The following DENND1B variants were observed in gnomAD, a reference collection of about 807,000 sequenced individuals.
DENND1B encodes the protein DENN domain-containing protein 1B.
A neutral mutation model predicts 90.1 loss-of-function variants in DENND1B; 59 were observed. The observed-to-expected ratio is 0.65, with a 90% CI of 0.53 to 0.81. The LOEUF (loss-of-function observed/expected upper bound fraction) is 0.81, where lower values mean the gene tolerates loss of function less well. DENND1B is among the 40% of genes least tolerant of loss of function. The pLI is 0.00. For missense variants in DENND1B, 862 were observed against 912.6 expected, an observed-to-expected ratio of 0.94 and a Z score of 0.71; for synonymous variants, 337 against 324.6, an observed-to-expected ratio of 1.04 and a Z score of -0.41.
At chr1:197,766,315 TC>T (rs1655691242) in intron 2 of DENND1B, among the ~76,000 whole-genome samples, 1 of 152,204 alleles carries the variant, frequency 6.6e-6, no homozygotes, top group Non-Finnish European at 1.5e-5. Flanking sequence ...ATTGAGAGAC[TC>T]AGAGTTCTTA....
intron 20 of DENND1B, among the ~76,000 whole-genome samples, chr1:197,528,838 T>C (rs1420763711): frequency 5.5e-5 from 8 of 146,452 alleles, no homozygotes; most frequent in Admixed American, 4.2e-4. Context: ...CCAGCCTGGG[T>C]GACAGAGCGA....
chr1:197,633,467 CA>C (rs1208623680), intron 10 of DENND1B, among the ~76,000 whole-genome samples: 2 of 152,076 alleles, frequency 1.3e-5, no homozygotes. Context: ...AGGGACAATG[CA>C]AAAAGAGAGA....
intron 2 of DENND1B, among the ~76,000 whole-genome samples, chr1:197,740,469 G>A (rs1377644630): frequency 6.6e-6 from 1 of 152,122 alleles, no homozygotes; most frequent in Non-Finnish European, 1.5e-5. Flanking sequence ...GGAAGACTGA[G>A]TCTCAGAAAG....
At chr1:197,760,020 T>C (rs1654823983) in intron 2 of DENND1B, among the ~76,000 whole-genome samples, 1 of 152,164 alleles carries the variant, frequency 6.6e-6, no homozygotes, top group African/African-American at 2.4e-5. Flanking sequence ...ATATGTTTAG[T>C]CTGTCATATA....
At chr1:197,675,936 C>T (rs1273267282) in intron 3 of DENND1B, among the ~76,000 whole-genome samples, 1 of 151,886 alleles carries the variant, frequency 6.6e-6, no homozygotes, top group African/African-American at 2.4e-5. Flanking sequence ...CCACAAGCAA[C>T]ACACGTGCAT....
intron 3 of DENND1B, 48 bp downstream of exon 3, chr1:197,714,976 GCAACAAT>G: frequency 7.7e-7 from 1 of 1,303,996 alleles, no homozygotes; most frequent in Non-Finnish European, 1.1e-6. Context: ...AGTAATAGTA[GCAACAAT>G]CATAATACTT....
intron 20 of DENND1B, among the ~76,000 whole-genome samples, chr1:197,527,662 TAC>T (rs1469763176): frequency 1.3e-5 from 2 of 152,178 alleles, no homozygotes; most frequent in African/African-American, 2.4e-5. Flanking sequence ...TGAGCCAAAT[TAC>T]ACAGTGATAA....
chr1:197,699,303 C>CA (rs995619449), intron 3 of DENND1B, among the ~76,000 whole-genome samples: 52 of 152,230 alleles, frequency 3.4e-4, no homozygotes, highest in African/African-American at 1.1e-3. Context: ...GAGCCAAAAA[C>CA]AAAAACCACA....
At chr1:197,681,908 T>C (rs1018472728) in intron 3 of DENND1B, among the ~76,000 whole-genome samples, 9 of 152,154 alleles carry the variant, frequency 5.9e-5, no homozygotes, top group African/African-American at 9.6e-5. Flanking sequence ...AGATGGAACA[T>C]AGTGATAAAA....
intron 15 of DENND1B, 56 bp from the exon 16 acceptor site, chr1:197,553,168 T>G (rs1476804594): frequency 2.9e-6 from 4 of 1,378,766 alleles, no homozygotes; most frequent in Non-Finnish European, 3.9e-6. Context: ...TCCAATAAAA[T>G]GTTAATTTTT....
At chr1:197,658,233 T>C in intron 6 of DENND1B, 67 bp downstream of exon 6, 1 of 1,292,086 alleles carries the variant, frequency 7.7e-7, no homozygotes, top group Non-Finnish European at 1.1e-6. Flanking sequence ...TTAAAAATGG[T>C]TAAAATGGTA....
chr1:197,678,920 T>C (rs1369904026), intron 3 of DENND1B, among the ~76,000 whole-genome samples: 4 of 152,104 alleles, frequency 2.6e-5, no homozygotes, highest in African/African-American at 4.8e-5. Flanking sequence ...GTGTGGAATT[T>C]TTCTCTTGGA....
At chr1:197,586,362 T>C (rs1357954207) in intron 14 of DENND1B, among the ~76,000 whole-genome samples, 1 of 152,232 alleles carries the variant, frequency 6.6e-6, no homozygotes, top group Non-Finnish European at 1.5e-5. Context: ...TTAATTAGTT[T>C]ATATTGCTTT....
intron 4 of DENND1B, among the ~76,000 whole-genome samples, chr1:197,673,726 G>A (rs535396677): frequency 6.6e-6 from 1 of 152,200 alleles, no homozygotes; most frequent in East Asian, 1.9e-4. Context: ...GCATGACACA[G>A]ATGGTCTTTT....
At chr1:197,779,872 A>G (rs955094709), upstream of DENND1B, among the ~76,000 whole-genome samples, 2 of 151,996 alleles carry the variant, frequency 1.3e-5, no homozygotes, top group African/African-American at 4.8e-5. Context: ...CTACTTGTTC[A>G]TACTTATGGT....
chr1:197,625,427 G>T (rs1225978392), intron 10 of DENND1B, among the ~76,000 whole-genome samples: 1 of 143,836 alleles, frequency 7.0e-6, no homozygotes, highest in Non-Finnish European at 1.5e-5. Flanking sequence ...CTTCATAAGT[G>T]AAGGAAAAAT....
At chr1:197,608,071 T>C (rs1248673210) in intron 12 of DENND1B, among the ~76,000 whole-genome samples, 1 of 150,628 alleles carries the variant, frequency 6.6e-6, no homozygotes, top group African/African-American at 2.4e-5. Context: ...ATAATTTGAG[T>C]GTAGTATTTT....
chr1:197,635,423 A>G (rs941706731), intron 10 of DENND1B, among the ~76,000 whole-genome samples: 5 of 152,044 alleles, frequency 3.3e-5, no homozygotes, highest in Non-Finnish European at 5.9e-5. Context: ...CTACAGTACT[A>G]AACTCCTGGC....
chr1:197,740,098 C>T (rs935041211), intron 2 of DENND1B, among the ~76,000 whole-genome samples: 14 of 152,102 alleles, frequency 9.2e-5, no homozygotes, highest in Non-Finnish European at 1.9e-4. Flanking sequence ...AAGGAGAGTG[C>T]GATTTTAATT....
Sources: allele counts gnomAD v4.1 joint callset (sites outside exome capture counted in the v4.1 genomes callset), GRCh38; gene constraint gnomAD v4.1.1; transcripts MANE v1.5; gene names NCBI Gene and HGNC (gene_info 2026-07-23, HGNC 2026-07-21).